Variants in MED11 observed in about 807,000 individuals in gnomAD.
The protein encoded by MED11 is mediator of RNA polymerase II transcription subunit 11.
In MED11, 19 loss-of-function variants were observed where a neutral mutation model predicts 13.9. The observed-to-expected ratio is 1.36, with a 90% CI of 0.95 to 2.00. The LOEUF is 2.00. Among genes scored for constraint, MED11 ranks in the 30% most tolerant of loss-of-function variants. The pLI, the probability that MED11 is intolerant of heterozygous loss-of-function variation, is 0.00. For missense variants in MED11, 134 were observed against 150.2 expected (o/e 0.89, Z 0.56); for synonymous variants, 67 against 62.1 (o/e 1.08, Z -0.37).
chr17:4,731,918 TG>T lies in MED11; in HGVS notation c.216+18del, dbSNP rs1230734170. On this transcript the variant is annotated intron_variant, in intron 2 of 2. Transcript: ENST00000293777. ...GCTACCTCACCCAGGTCGGTGTGTC[TG>T]GGGGGTTCTGCGAGCGAACCCCAGC... 1.2e-6 allele frequency: 2 copies of T among 1,609,386 alleles called. No homozygotes were observed. The highest frequency in any genetic ancestry group is 1.7e-6 in the Non-Finnish European group (2 of 1,177,062).
At chr17:4,732,188 C>A in intron 2 of MED11, 1 of 405,856 alleles carries the variant, frequency 2.5e-6, no homozygotes, top group South Asian at 6.5e-5. Context: ...CTTTGGGAGG[C>A]TGAGGCGGGT....
intron 1 of MED11, 64 bp downstream of exon 1, chr17:4,731,638 G>C (rs535690384): frequency 9.9e-6 from 16 of 1,611,132 alleles, no homozygotes; most frequent in Admixed American, 1.7e-5. Context: ...CTGGCAGCCT[G>C]ACCTGGGACT....
intron 1 of MED11, 33 bp downstream of exon 1, chr17:4,731,607 C>G (rs758978949): frequency 1.4e-5 from 22 of 1,613,248 alleles, no homozygotes; most frequent in South Asian, 5.5e-5. Context: ...CAGCGGGGAG[C>G]GAAAGCGTGA....
Position 4,733,589 on chromosome 17 carries a change from AAAGC to A in MED11, c.*405_*408del, listed in dbSNP as rs1742839187. On this transcript the variant is annotated 3_prime_UTR_variant, in exon 3 of 3. Coordinates refer to ENST00000293777, the MANE Select transcript of MED11 (RefSeq NM_001001683.4). ...AATGATAATAAAAGCAATAATAATA[AAAGC>A]AATAACAATAAAAACAAGATCAGAC... 6.0e-6 allele frequency: 1 copy of A among 166,514 alleles called. No individual in the cohort carries two copies. The highest frequency in any genetic ancestry group is 6.0e-5 in the Admixed American group (1 of 16,530). The allele number at this position is 166,514 out of a possible 1,614,324, so 10.3% of individuals were successfully genotyped here.
rs185069822 is a variant in MED11 at position 4,731,911 on chromosome 17, G to C, written c.216+5G>C. ...CAGATCCGCTACCTCACCCAGGTCG[G>C]TGTGTCTGGGGGGTTCTGCGAGCGA... On this transcript the variant is annotated splice_donor_5th_base_variant and intron_variant, in intron 2 of 2. Coordinates refer to ENST00000293777, the MANE Select transcript of MED11 (RefSeq NM_001001683.4). 249 of 1,613,282 alleles carry C rather than the reference G, an allele frequency of 1.5e-4. 1 individual carries two copies. Among genetic ancestry groups the C allele is most frequent in the Non-Finnish European group, 2.0e-4 (238 of 1,179,572 alleles).
rs1294412909 is a variant in MED11 at position 4,731,876 on chromosome 17, G to A, written c.186G>A (p.Glu62=). The change falls in exon 2 of 3, where the codon GAG becomes GAA. Residue 62 remains glutamate (E), a synonymous_variant. Transcript: ENST00000293777. ...FTASVQHVEA[E]LSAQIRYLTQ... ...CTTCAGTGCAACACGTGGAGGCGGA[G>A]CTGTCAGCTCAGATCCGCTACCTCA... 6.2e-7 allele frequency: 1 copy of A among 1,614,108 alleles called. No individual in the cohort carries two copies. Among genetic ancestry groups the A allele is most frequent in the Non-Finnish European group, 8.5e-7 (1 of 1,180,016 alleles).
Position 4,731,560 on chromosome 17 carries a change from T to G in MED11, c.71T>G (p.Ile24Ser). 1 of 1,614,160 alleles carries G rather than the reference T, an allele frequency of 6.2e-7. No homozygotes were observed. The highest frequency in any genetic ancestry group is 8.5e-7 in the Non-Finnish European group (1 of 1,180,020). Residue 24 changes from isoleucine to serine, a missense_variant, in exon 1 of 3, where the codon ATC becomes AGC. Transcript: ENST00000293777. ...LEDIEREIGA[I>S]LQNAGTVILE... Reference sequence around the variant, plus strand: ...GACATTGAACGGGAAATCGGCGCCATCCTTCAGAATGCAGGTTCGGGATGC... The same window carrying G: ...GACATTGAACGGGAAATCGGCGCCAGCCTTCAGAATGCAGGTTCGGGATGC...
In MED11 at chr17:4,731,475, A is replaced by C; in HGVS notation, c.-15A>C. On this transcript the variant is annotated 5_prime_UTR_variant, in exon 1 of 3. Transcript: ENST00000293777. ...TTCTGAGGAGAAACTCTTGGTGAGAATTCCCAGAGTGATAATGGCTACCTA... is the reference window on the plus strand; with the variant it reads ...TTCTGAGGAGAAACTCTTGGTGAGACTTCCCAGAGTGATAATGGCTACCTA... The C allele has an allele frequency of 1.2e-6, 2 of 1,613,198 alleles. No homozygotes were observed. Among genetic ancestry groups the C allele is most frequent in the East Asian group, 2.2e-5 (1 of 44,852 alleles).
In MED11 at chr17:4,733,237, G is replaced by A. The variant is rs1381900275; in HGVS notation, c.*50G>A. ...AGAGGGAGACCATCACCTGTGCCAT[G>A]GGACAGAACCTGGGAACATGTAGGG... On this transcript the variant is annotated 3_prime_UTR_variant, in exon 3 of 3. Transcript: ENST00000293777. 6.2e-7 allele frequency: 1 copy of A among 1,609,552 alleles called. No homozygotes were observed. Among genetic ancestry groups the A allele is most frequent in the Admixed American group, 1.7e-5 (1 of 59,558 alleles).
At position 4,733,056 on chromosome 17, in the gene MED11, A is replaced by C; in HGVS notation, c.223A>C (p.Thr75Pro). Residue 75 changes from threonine (T) to proline (P), a missense_variant, in exon 3 of 3, where the codon ACA (threonine) becomes CCA (proline). Physicochemically the swap from Thr to Pro is conservative, Grantham distance 38. Transcript: ENST00000293777. ...TTGATAGTCTGTCTTGTAGGTGGCCACAGGGCAGCCCCATGAGGGCTCCAG... is the reference window on the plus strand; with the variant it reads ...TTGATAGTCTGTCTTGTAGGTGGCCCCAGGGCAGCCCCATGAGGGCTCCAG... ...AQIRYLTQVA[T>P]GQPHEGSSYS... The C allele has an allele frequency of 6.2e-7, 1 of 1,614,158 alleles. No homozygotes were observed. Among genetic ancestry groups the C allele is most frequent in the Non-Finnish European group, 8.5e-7 (1 of 1,180,010 alleles).
intron 1 of MED11, 27 bp downstream of exon 1, chr17:4,731,601 G>A (rs1356071651): frequency 4.3e-6 from 7 of 1,613,804 alleles, no homozygotes; most frequent in South Asian, 1.1e-5. Flanking sequence ...CCTGGACAGC[G>A]GGGAGCGAAA....
rs1915969712 is a variant in MED11, at chr17:4,731,453, T to C, written c.-37T>C. 6.2e-7 allele frequency: 1 copy of C among 1,606,154 alleles called. No individual in the cohort carries two copies. The highest frequency in any genetic ancestry group is 8.5e-7 in the Non-Finnish European group (1 of 1,173,662). ...ACTTCCGGAACAAGCGTCGCGTTTCTGAGGAGAAACTCTTGGTGAGAATTC... is the reference window on the plus strand; with the variant it reads ...ACTTCCGGAACAAGCGTCGCGTTTCCGAGGAGAAACTCTTGGTGAGAATTC... On this transcript the variant is annotated 5_prime_UTR_variant, in exon 1 of 3. Coordinates refer to ENST00000293777, the MANE Select transcript of MED11 (RefSeq NM_001001683.4).
chr17:4,731,627 A>C (rs1915978773), intron 1 of MED11, 53 bp downstream of exon 1: 8 of 1,607,914 alleles, frequency 5.0e-6, no homozygotes, highest in Non-Finnish European at 6.8e-6. Context: ...ACCGGGCTGC[A>C]CTGGCAGCCT....
chr17:4,732,945 G>C, intron 2 of MED11, 105 bp from the exon 3 acceptor site: 1 of 1,317,774 alleles, frequency 7.6e-7, no homozygotes, highest in East Asian at 2.3e-5. Flanking sequence ...CCAGCTACCA[G>C]ATGGCCTAAC....
chr17:4,732,011 C>A, intron 2 of MED11, 105 bp downstream of exon 2: 1 of 1,360,260 alleles, frequency 7.4e-7, no homozygotes, highest in Non-Finnish European at 9.8e-7. Context: ...CCAGACCTCC[C>A]CAGCCGGCCA....
chr17:4,733,002 G>A (rs1369740954), intron 2 of MED11, 48 bp from the exon 3 acceptor site: 3 of 1,585,392 alleles, frequency 1.9e-6, no homozygotes, highest in African/African-American at 2.7e-5. Flanking sequence ...ATGCCTGGTT[G>A]GAGTTAGGGT....
Position 4,733,264 on chromosome 17 carries a change from G to A in MED11, c.*77G>A. The stretch of plus-strand genomic sequence containing the variant: ...GACAGAACCTGGGAACATGTAGGGT[G>A]GGGAGTATGAGCACCAACATACCCT... On this transcript the variant is annotated 3_prime_UTR_variant, in exon 3 of 3. Coordinates refer to ENST00000293777, the MANE Select transcript of MED11 (RefSeq NM_001001683.4). The A allele has an allele frequency of 1.3e-6, 2 of 1,565,110 alleles. No homozygotes were observed. The highest frequency in any genetic ancestry group is 1.7e-6 in the Non-Finnish European group (2 of 1,147,836).
rs779923420 is a variant in MED11, at chr17:4,731,922, G to C, written c.216+16G>C. 6 of 1,609,230 alleles carry C rather than the reference G, an allele frequency of 3.7e-6. No homozygotes were observed. In the South Asian group the frequency reaches 5.5e-5, roughly 15 times the overall value. On this transcript the variant is annotated intron_variant, in intron 2 of 2. Coordinates refer to ENST00000293777, the MANE Select transcript of MED11 (RefSeq NM_001001683.4). ...CCTCACCCAGGTCGGTGTGTCTGGGGGGTTCTGCGAGCGAACCCCAGCTCT... is the reference window on the plus strand; with the variant it reads ...CCTCACCCAGGTCGGTGTGTCTGGGCGGTTCTGCGAGCGAACCCCAGCTCT...
rs1915970044 is a variant in MED11, at chr17:4,731,456, G to A, written c.-34G>A. 1.2e-6 allele frequency: 2 copies of A among 1,606,784 alleles called. No homozygotes were observed. Among genetic ancestry groups the A allele is most frequent in the South Asian group, 1.1e-5 (1 of 90,840 alleles). Reference sequence around the variant, plus strand: ...TCCGGAACAAGCGTCGCGTTTCTGAGGAGAAACTCTTGGTGAGAATTCCCA... The same window carrying A: ...TCCGGAACAAGCGTCGCGTTTCTGAAGAGAAACTCTTGGTGAGAATTCCCA... On this transcript the variant is annotated 5_prime_UTR_variant, in exon 1 of 3. Transcript: ENST00000293777.
Sources: gnomAD v4.1 joint callset for allele counts on GRCh38, gnomAD v4.1.1 for gene constraint, MANE v1.5 for transcripts, NCBI Gene and HGNC (gene_info 2026-07-23, HGNC 2026-07-21) for gene names.